The following LINGO2 variants were observed in gnomAD, a reference collection of about 807,000 sequenced individuals.
LINGO2 encodes leucine rich repeat and Ig domain containing 2.
A neutral mutation model predicts 30.6 loss-of-function variants in LINGO2; 14 were observed. The ratio of observed to expected loss-of-function variants is 0.46; its 90% confidence interval spans 0.30 to 0.72. LINGO2 has a LOEUF of 0.72. LINGO2 is among the 30% of genes least tolerant of loss of function. The pLI, the probability that LINGO2 is intolerant of heterozygous loss-of-function variation, is 0.07. For synonymous variants in LINGO2, 317 were observed against 288.5 expected, an observed-to-expected ratio of 1.10 and a Z score of -1.00; for missense variants, 729 against 751.7, an observed-to-expected ratio of 0.97 and a Z score of 0.35.
intron 4 of LINGO2, among the ~76,000 whole-genome samples, chr9:28,119,546 G>C (rs2133390416): frequency 6.6e-6 from 1 of 152,284 alleles, no homozygotes; most frequent in East Asian, 1.9e-4. Context: ...TCTAAGTAAA[G>C]CTTTTAGCAG....
At chr9:28,128,075 G>A (rs1045811650) in intron 4 of LINGO2, among the ~76,000 whole-genome samples, 3 of 152,176 alleles carry the variant, frequency 2.0e-5, no homozygotes, top group Non-Finnish European at 2.9e-5. Flanking sequence ...GTTCTGGAAA[G>A]CTCTGGTTAA....
At chr9:28,927,931 T>C in the LINGO2 span, among the ~76,000 whole-genome samples, 10 of 152,334 alleles carry the variant, frequency 6.6e-5, no homozygotes, top group South Asian at 2.1e-3. Flanking sequence ...AGGTAAATTG[T>C]CTGTGCTCTT....
the LINGO2 span, among the ~76,000 whole-genome samples, chr9:29,190,168 T>C: frequency 6.6e-6 from 1 of 152,070 alleles, no homozygotes; most frequent in African/African-American, 2.4e-5. Flanking sequence ...AAAATGTTTC[T>C]TCTTTATTAA....
intron 3 of LINGO2, among the ~76,000 whole-genome samples, chr9:28,366,969 T>G (rs901430129): frequency 4.6e-5 from 7 of 152,224 alleles, no homozygotes; most frequent in Non-Finnish European, 8.8e-5. Flanking sequence ...AAATGCCATT[T>G]TTTCTTCCTC....
At chr9:29,155,093 A>G in the LINGO2 span, among the ~76,000 whole-genome samples, 108 of 152,322 alleles carry the variant, frequency 7.1e-4, 1 homozygote, top group South Asian at 0.021. Flanking sequence ...ACTTGCATAC[A>G]ATATTTTTTT....
At chr9:28,743,383 G>A in the LINGO2 span, among the ~76,000 whole-genome samples, 1 of 151,474 alleles carries the variant, frequency 6.6e-6, no homozygotes, top group Admixed American at 6.6e-5. Flanking sequence ...CCCTCCCTGT[G>A]TCCATGTGTT....
the LINGO2 span, among the ~76,000 whole-genome samples, chr9:28,919,892 G>A: frequency 5.3e-5 from 8 of 151,990 alleles, no homozygotes; most frequent in South Asian, 2.1e-4. Flanking sequence ...GTATAATCAC[G>A]CTATAATGTA....
chr9:28,734,091 T>C, the LINGO2 span, among the ~76,000 whole-genome samples: 1 of 152,106 alleles, frequency 6.6e-6, no homozygotes, highest in Non-Finnish European at 1.5e-5. Context: ...TATATACCTA[T>C]AATAAATTTA....
the LINGO2 span, among the ~76,000 whole-genome samples, chr9:28,793,198 G>A: frequency 6.6e-6 from 1 of 152,110 alleles, no homozygotes; most frequent in African/African-American, 2.4e-5. Flanking sequence ...TATTACTGAT[G>A]AGGAAAAAGA....
the LINGO2 span, among the ~76,000 whole-genome samples, chr9:29,004,953 G>T: frequency 6.6e-6 from 1 of 152,062 alleles, no homozygotes; most frequent in Non-Finnish European, 1.5e-5. Context: ...TTGTATGACT[G>T]TTGTAAACAT....
the LINGO2 span, among the ~76,000 whole-genome samples, chr9:29,186,639 AT>A: frequency 1.3e-5 from 2 of 152,126 alleles, no homozygotes; most frequent in African/African-American, 4.8e-5. Context: ...CATTATTAGT[AT>A]GGTTGACGCT....
chr9:29,144,491 G>A, the LINGO2 span, among the ~76,000 whole-genome samples: 7 of 152,172 alleles, frequency 4.6e-5, no homozygotes, highest in East Asian at 3.9e-4. Context: ...TATTAGAGAT[G>A]TGTAGTTTAA....
intron 4 of LINGO2, among the ~76,000 whole-genome samples, chr9:28,259,479 G>T (rs1822492992): frequency 6.6e-6 from 1 of 151,788 alleles, no homozygotes; most frequent in South Asian, 2.1e-4. Flanking sequence ...CTTGCCGATA[G>T]CTTGGGGTCT....
At chr9:28,035,815 T>A (rs374454048) in intron 4 of LINGO2, among the ~76,000 whole-genome samples, 5 of 152,262 alleles carry the variant, frequency 3.3e-5, no homozygotes, top group Admixed American at 3.3e-4. Flanking sequence ...TGAAAGCTCC[T>A]AATTAGCTTT....
chr9:28,025,272 G>A (rs1223275075), intron 4 of LINGO2, among the ~76,000 whole-genome samples: 2 of 152,152 alleles, frequency 1.3e-5, no homozygotes, highest in African/African-American at 2.4e-5. Flanking sequence ...TCTTACAGGG[G>A]CCCTCAATTC....
the LINGO2 span, among the ~76,000 whole-genome samples, chr9:28,783,484 T>C: frequency 2.0e-5 from 3 of 152,222 alleles, no homozygotes; most frequent in Admixed American, 6.5e-5. Context: ...TGATTGGTCA[T>C]CTCTGTAGAC....
At chr9:29,172,728 T>C in the LINGO2 span, among the ~76,000 whole-genome samples, 1 of 151,942 alleles carries the variant, frequency 6.6e-6, no homozygotes, top group Non-Finnish European at 1.5e-5. Context: ...TAAACTCTTC[T>C]TTCACAAATC....
chr9:27,998,995 TCTTA>T (rs1821809053), intron 5 of LINGO2, among the ~76,000 whole-genome samples: 1 of 152,128 alleles, frequency 6.6e-6, no homozygotes, highest in Non-Finnish European at 1.5e-5. Flanking sequence ...CAGAGTTGTC[TCTTA>T]CTTTTGGTAT....
At chr9:28,863,804 G>T in the LINGO2 span, 73 of 325,436 alleles carry the variant, frequency 2.2e-4, 1 homozygote, top group South Asian at 1.4e-3. Flanking sequence ...ACAATCAATT[G>T]AAGAATATGC....
Sources: gnomAD v4.1 joint callset for allele counts (sites outside exome capture counted in the v4.1 genomes callset) on GRCh38, gnomAD v4.1.1 for gene constraint, MANE v1.5 for transcripts, NCBI Gene and HGNC (gene_info 2026-07-23, HGNC 2026-07-21) for gene names.